Variants in JMJD1C observed in about 807,000 individuals in gnomAD.
JMJD1C encodes the protein jumonji domain-containing protein 1C.
JMJD1C carries 31 observed loss-of-function variants against 245.3 expected under a neutral mutation model. The ratio of observed to expected loss-of-function variants is 0.13; its 90% CI spans 0.09 to 0.17. The LOEUF (loss-of-function observed/expected upper bound fraction) is 0.17, where lower values mean the gene tolerates loss of function less well. Among genes scored for constraint, JMJD1C ranks in the 10% least tolerant of loss-of-function variants. The pLI is 1.00. For missense variants in JMJD1C, 2,691 were observed against 3,000.2 expected (o/e 0.90, Z 2.41); for synonymous variants, 1,057 against 1,017.4 (o/e 1.04, Z -0.74).
intron 21 of JMJD1C, 40 bp from the exon 22 acceptor site, chr10:63,183,609 A>G (rs897961335): frequency 1.7e-6 from 2 of 1,193,668 alleles, no homozygotes; most frequent in Non-Finnish European, 2.4e-6. Context: ...AAATATTTAT[A>G]TATATGTAAT....
At chr10:63,212,935 C>A in intron 8 of JMJD1C, among the ~76,000 whole-genome samples, 1 of 150,842 alleles carries the variant, frequency 6.6e-6, no homozygotes, top group Non-Finnish European at 1.5e-5. Context: ...CACCTGTAAT[C>A]CCAGCACTTT....
chr10:63,271,447 G>A (rs1333516628), intron 2 of JMJD1C, among the ~76,000 whole-genome samples: 1 of 151,986 alleles, frequency 6.6e-6, no homozygotes, highest in African/African-American at 2.4e-5. Flanking sequence ...CAAAGTGCTG[G>A]GATTACAGGC....
intron 1 of JMJD1C, among the ~76,000 whole-genome samples, chr10:63,444,979 C>A (rs1951619470): frequency 6.6e-6 from 1 of 152,122 alleles, no homozygotes. Flanking sequence ...GTAATCCCAT[C>A]ACTTTGGGAA....
intron 3 of JMJD1C, among the ~76,000 whole-genome samples, chr10:63,224,964 A>G (rs999445063): frequency 3.9e-5 from 6 of 151,964 alleles, no homozygotes; most frequent in African/African-American, 1.5e-4. Flanking sequence ...AGGGAGGCTG[A>G]GGCAGGAGAA....
At chr10:63,351,591 G>A (rs1443029079) in intron 2 of JMJD1C, among the ~76,000 whole-genome samples, 1 of 152,122 alleles carries the variant, frequency 6.6e-6, no homozygotes, top group Non-Finnish European at 1.5e-5. Context: ...GCTGAATGGG[G>A]ACAAACAAAA....
At chr10:63,455,012 T>C (rs1405675157) in intron 1 of JMJD1C, among the ~76,000 whole-genome samples, 1 of 152,242 alleles carries the variant, frequency 6.6e-6, no homozygotes, top group Non-Finnish European at 1.5e-5. Context: ...CTTTAGGTTA[T>C]GCTCAGCTTG....
chr10:63,227,426 C>T lies in JMJD1C; in HGVS notation c.448-7443G>A, dbSNP rs981335129. Among the ~76,000 whole-genome samples, 6 of 152,168 alleles carry T rather than the reference C, an allele frequency of 3.9e-5. No individual in the cohort carries two copies. The East Asian group carries it at 5.8e-4, about 15-fold the overall frequency. On this transcript the variant is annotated intron_variant, in intron 3 of 25. Transcript: ENST00000399262. ...GTGACAGAGAAGACTGGCTTAATAA[C>T]GTAACAGATTTGCTCAAAAGTCTCA... is the stretch of plus-strand genomic sequence containing the variant.
chr10:63,313,811 T>C (rs1415589050), intron 2 of JMJD1C, among the ~76,000 whole-genome samples: 1 of 152,200 alleles, frequency 6.6e-6, no homozygotes, highest in African/African-American at 2.4e-5. Flanking sequence ...TTTGTTTGAG[T>C]TCGTTGTAGA....
intron 1 of JMJD1C, among the ~76,000 whole-genome samples, chr10:63,481,369 C>T (rs1953823658): frequency 6.6e-6 from 1 of 152,058 alleles, no homozygotes; most frequent in African/African-American, 2.4e-5. Flanking sequence ...GATACCATAT[C>T]TACTAGACAG....
At chr10:63,372,816 G>GA (rs1946416063) in intron 2 of JMJD1C, 1 of 164,280 alleles carries the variant, frequency 6.1e-6, no homozygotes, top group African/African-American at 2.4e-5. Flanking sequence ...AGAATGTGCT[G>GA]ATTGTTAAAA....
At chr10:63,335,799 C>T (rs576791292) in intron 2 of JMJD1C, among the ~76,000 whole-genome samples, 124 of 151,962 alleles carry the variant, frequency 8.2e-4, no homozygotes, top group Admixed American at 2.2e-3. Context: ...GCATGAACCA[C>T]GGCGCCTGGC....
intron 1 of JMJD1C, chr10:63,521,493 C>T: frequency 4.6e-6 from 6 of 1,310,060 alleles, no homozygotes; most frequent in Non-Finnish European, 6.0e-6. Context: ...CGGCCTGGTC[C>T]GCAGCGCCCT....
At chr10:63,340,002 G>C (rs1179634631) in intron 2 of JMJD1C, among the ~76,000 whole-genome samples, 1 of 152,186 alleles carries the variant, frequency 6.6e-6, no homozygotes, top group East Asian at 1.9e-4. Context: ...GGAGGTTGCA[G>C]TGAGCTGAGA....
chr10:63,416,059 T>C (rs1439579979), intron 1 of JMJD1C, among the ~76,000 whole-genome samples: 1 of 152,172 alleles, frequency 6.6e-6, no homozygotes, highest in African/African-American at 2.4e-5. Context: ...ATCCTGCCCT[T>C]AGCGAGAAGT....
rs538226537 is a variant in JMJD1C at position 63,443,571 on chromosome 10, CA to C, written c.168+21923del. Among the ~76,000 whole-genome samples the C allele has an allele frequency of 2.0e-5, 3 of 152,324 alleles. No individual in the cohort carries two copies. The East Asian group carries it at 5.8e-4, about 29-fold the overall frequency. ...AAGGCACCCACCCAACTTGGCCTCC[CA>C]AAGTACTGGGATTACAGGCGTGAGC... On this transcript the variant is annotated intron_variant, in intron 1 of 25. Transcript: ENST00000399262.
chr10:63,294,187 T>C (rs751916284), intron 2 of JMJD1C, among the ~76,000 whole-genome samples: 2 of 152,194 alleles, frequency 1.3e-5, no homozygotes, highest in Non-Finnish European at 2.9e-5. Flanking sequence ...TTCGTAATTA[T>C]GCGTATCTCA....
intron 3 of JMJD1C, among the ~76,000 whole-genome samples, chr10:63,228,638 T>TA (rs1849599201): frequency 6.6e-6 from 1 of 152,162 alleles, no homozygotes; most frequent in Admixed American, 6.6e-5. Flanking sequence ...GAAGCAAGAT[T>TA]AAAAACTTCT....
At chr10:63,205,421 A>T (rs183834113) in intron 10 of JMJD1C, among the ~76,000 whole-genome samples, 534 of 152,326 alleles carry the variant, frequency 3.5e-3, no homozygotes, top group Middle Eastern at 6.8e-3. Context: ...CCTACCATGG[A>T]TCAAAAATAC....
chr10:63,407,136 T>C (rs941533176), intron 1 of JMJD1C, among the ~76,000 whole-genome samples: 4 of 152,174 alleles, frequency 2.6e-5, no homozygotes, highest in African/African-American at 9.7e-5. Context: ...AGACTGACCA[T>C]AGTCTACTGA....
Sources: gnomAD v4.1 joint callset for allele counts (sites outside exome capture counted in the v4.1 genomes callset) on GRCh38, gnomAD v4.1.1 for gene constraint, MANE v1.5 for transcripts, NCBI Gene and HGNC (gene_info 2026-07-23, HGNC 2026-07-21) for gene names.